Variants in LAMB1 observed in about 807,000 individuals in gnomAD.
LAMB1 encodes the protein laminin subunit beta-1.
A neutral mutation model predicts 222.3 loss-of-function variants in LAMB1; 121 were observed. The observed-to-expected ratio is 0.54, with a 90% CI of 0.47 to 0.63. LAMB1 has a LOEUF of 0.63. Among genes scored for constraint, LAMB1 ranks in the 30% least tolerant of loss-of-function variants. LAMB1 has a pLI of 0.00. For missense variants in LAMB1, 2,172 were observed against 2,240.8 expected (o/e 0.97, Z 0.62); for synonymous variants, 794 against 807.2 (o/e 0.98, Z 0.28).
intron 28 of LAMB1, 176 bp from the exon 29 acceptor site, chr7:107,931,676 G>C: frequency 1.6e-6 from 1 of 626,754 alleles, no homozygotes; most frequent in Non-Finnish European, 2.7e-6. Context: ...CAAGTATTCA[G>C]TATAGAGATT....
chr7:107,945,394 G>A (rs183481285), intron 24 of LAMB1, among the ~76,000 whole-genome samples: 4 of 152,230 alleles, frequency 2.6e-5, no homozygotes, highest in East Asian at 3.9e-4. Context: ...ACCTTCCTGT[G>A]CCCACTGAAC....
intron 32 of LAMB1, among the ~76,000 whole-genome samples, chr7:107,925,577 T>C (rs2032543392): frequency 6.6e-6 from 1 of 152,204 alleles, no homozygotes; most frequent in Non-Finnish European, 1.5e-5. Flanking sequence ...CACCAAGTTT[T>C]TAATGTTCTC....
chr7:107,964,544 C>T lies in LAMB1; in HGVS notation c.1698+8G>A. The stretch of plus-strand genomic sequence containing the variant: ...CTTTACCGACCTGCCACACACTCCC[C>T]TACTCACAGGCCCCAAGTTGGCTTC... On this transcript the variant is annotated splice_region_variant and intron_variant, in intron 14 of 33. Coordinates refer to ENST00000222399, the MANE Select transcript of LAMB1 (RefSeq NM_002291.3). 1 of 1,614,126 alleles carries T rather than the reference C, an allele frequency of 6.2e-7. No homozygotes were observed. Among genetic ancestry groups the T allele is most frequent in the Non-Finnish European group, 8.5e-7 (1 of 1,180,000 alleles).
intron 21 of LAMB1, among the ~76,000 whole-genome samples, chr7:107,954,860 T>C (rs1331525179): frequency 6.6e-6 from 1 of 152,042 alleles, no homozygotes; most frequent in Non-Finnish European, 1.5e-5. Flanking sequence ...ACCTGAAAAA[T>C]GGGATCTTTA....
intron 24 of LAMB1, among the ~76,000 whole-genome samples, chr7:107,949,884 G>A (rs1389350100): frequency 1.3e-5 from 2 of 152,112 alleles, no homozygotes; most frequent in African/African-American, 4.8e-5. Context: ...TTGAAGATCT[G>A]TATTATTTCT....
chr7:107,983,875 T>A (rs1412551000), intron 7 of LAMB1, among the ~76,000 whole-genome samples: 2 of 152,236 alleles, frequency 1.3e-5, no homozygotes, highest in East Asian at 3.9e-4. Context: ...AATTGTGTAA[T>A]AAGAGCAGTT....
In LAMB1 at chr7:107,986,288, C is replaced by A. The variant is rs143131883; in HGVS notation, c.499G>T (p.Ala167Ser). 8.1e-6 allele frequency: 13 copies of A among 1,614,076 alleles called. No homozygotes were observed. The East Asian group carries it at 2.7e-4, about 33-fold the overall frequency. The change falls in exon 6 of 34, where the codon GCC (alanine) becomes TCC (serine). Residue 167 changes from alanine (A) to serine (S), a missense_variant. Coordinates refer to ENST00000222399, the MANE Select transcript of LAMB1 (RefSeq NM_002291.3). ...GGAAACGAGGCCTCACAGTCATAGG[C>A]GAAGTATCTATACACACCCCAGGTT... ...GKTWGVYRYF[A>S]YDCEASFPGI...
At chr7:107,968,135 T>C (rs2150434202) in intron 13 of LAMB1, among the ~76,000 whole-genome samples, 1 of 152,286 alleles carries the variant, frequency 6.6e-6, no homozygotes, top group East Asian at 1.9e-4. Flanking sequence ...GGCCCTCCCC[T>C]GCTCACTAAT....
intron 7 of LAMB1, among the ~76,000 whole-genome samples, chr7:107,983,327 G>C (rs1037828050): frequency 7.2e-5 from 11 of 151,974 alleles, no homozygotes; most frequent in Non-Finnish European, 1.6e-4. Context: ...AGATCAGCAA[G>C]AATCAGCCCC....
intron 5 of LAMB1, among the ~76,000 whole-genome samples, chr7:107,986,632 C>A (rs1367030823): frequency 6.6e-6 from 1 of 152,154 alleles, no homozygotes; most frequent in Non-Finnish European, 1.5e-5. Flanking sequence ...TATAAACAGG[C>A]CTAAATAGCA....
At chr7:107,979,763 T>C (rs1584527102) in intron 8 of LAMB1, among the ~76,000 whole-genome samples, 1 of 152,306 alleles carries the variant, frequency 6.6e-6, no homozygotes, top group Admixed American at 6.5e-5. Context: ...TGATATCCCA[T>C]GGGTGTGGGT....
At chr7:107,965,295 T>C (rs1050389949) in intron 13 of LAMB1, among the ~76,000 whole-genome samples, 9 of 152,198 alleles carry the variant, frequency 5.9e-5, no homozygotes, top group African/African-American at 1.9e-4. Context: ...ATATAAGAAA[T>C]GCGGCTGGGC....
At chr7:107,963,164 T>G (rs1584510870) in intron 14 of LAMB1, 101 bp from the exon 15 acceptor site, 1 of 1,141,092 alleles carries the variant, frequency 8.8e-7, no homozygotes, top group East Asian at 2.4e-5. Context: ...TCAAAAAGGG[T>G]GGCTACCTTA....
In LAMB1 at chr7:107,940,237, C is replaced by T. The variant is rs778440134; in HGVS notation, c.3513G>A (p.Gly1171=). Residue 1171 remains glycine, a synonymous_variant, in exon 25 of 34, where the codon GGG becomes GGA. Coordinates refer to ENST00000222399, the MANE Select transcript of LAMB1 (RefSeq NM_002291.3). ...RCDKCTRGYS[G]VFPDCTPCHQ... ...GGCAGGGTGTGCAGTCAGGGAAGAC[C>T]CCCGAGTACCCTCGCGTGCACTTGT... The T allele has an allele frequency of 1.2e-6, 2 of 1,614,060 alleles. No individual in the cohort carries two copies. The highest frequency in any genetic ancestry group is 8.5e-7 in the Non-Finnish European group (1 of 1,180,038).
At chr7:107,931,809 G>T (rs1267155489) in intron 28 of LAMB1, 1 of 471,294 alleles carries the variant, frequency 2.1e-6, no homozygotes, top group African/African-American at 2.0e-5. Context: ...TACTTAAAAA[G>T]TGTGTGTCAC....
rs28479594 is a variant in LAMB1, at chr7:107,998,016, T to A, written c.349+341A>T. The stretch of plus-strand genomic sequence containing the variant: ...CTTTGGGATTGATCAAAATGAAAGA[T>A]GTTACATTTTGTGGAAGAATAAGGG... On this transcript the variant is annotated intron_variant, in intron 4 of 33. Coordinates refer to ENST00000222399, the MANE Select transcript of LAMB1 (RefSeq NM_002291.3). 4.0e-3 allele frequency among the ~76,000 whole-genome samples: 603 copies of A among 152,232 alleles called. 8 individuals carry two copies. Among genetic ancestry groups the A allele is most frequent in the African/African-American group, 0.014 (576 of 41,550 alleles).
Position 107,946,930 on chromosome 7 carries a change from G to C in LAMB1, c.3391+4296C>G, listed in dbSNP as rs116460301. Among the ~76,000 whole-genome samples, 1,356 of 152,246 alleles carry C rather than the reference G, an allele frequency of 8.9e-3. 24 individuals are homozygous for C. The highest frequency in any genetic ancestry group is 0.031 in the African/African-American group (1,288 of 41,522). The stretch of plus-strand genomic sequence containing the variant: ...ATGCCCCACATTTACCGTTTGCCTG[G>C]GTTTAGAGACACTGCCCTTTTCCAA... On this transcript the variant is annotated intron_variant, in intron 24 of 33. Coordinates refer to ENST00000222399, the MANE Select transcript of LAMB1 (RefSeq NM_002291.3).
chr7:107,955,358 A>G, intron 21 of LAMB1, 109 bp downstream of exon 21: 1 of 960,870 alleles, frequency 1.0e-6, no homozygotes, highest in Non-Finnish European at 1.5e-6. Context: ...TAAAAATTAT[A>G]AAAGTAGACT....
At chr7:107,958,482 T>C (rs1489474407) in intron 20 of LAMB1, among the ~76,000 whole-genome samples, 3 of 152,218 alleles carry the variant, frequency 2.0e-5, no homozygotes, top group Non-Finnish European at 4.4e-5. Flanking sequence ...CTGCAATGTT[T>C]CACAAGTGAC....
Sources: gnomAD v4.1 joint callset for allele counts (sites outside exome capture counted in the v4.1 genomes callset) on GRCh38, gnomAD v4.1.1 for gene constraint, MANE v1.5 for transcripts, NCBI Gene and HGNC (gene_info 2026-07-23, HGNC 2026-07-21) for gene names.